The following AKAP19 variants were observed in gnomAD, a reference collection of about 807,000 sequenced individuals.
AKAP19 encodes the protein A-kinase anchoring protein 19.
the AKAP19 span, chr2:189,930,817 C>T: frequency 4.9e-6 from 4 of 818,034 alleles, no homozygotes; most frequent in South Asian, 5.5e-5. Flanking sequence ...AAGGCCTATT[C>T]TTTGAGCTAT....
At chr2:190,093,261 A>G in the AKAP19 span, among the ~76,000 whole-genome samples, 4 of 17,584 alleles carry the variant, frequency 2.3e-4, no homozygotes, top group African/African-American at 3.5e-4. Context: ...CGTCTCTACT[A>G]AAAAAAAAAA....
At chr2:190,070,608 T>TCC in the AKAP19 span, among the ~76,000 whole-genome samples, 1 of 139,614 alleles carries the variant, frequency 7.2e-6, no homozygotes. Context: ...ATATTTTCCC[T>TCC]CTCTCTCCCC....
chr2:190,007,600 T>C, the AKAP19 span, among the ~76,000 whole-genome samples: 1 of 152,174 alleles, frequency 6.6e-6, no homozygotes, highest in Non-Finnish European at 1.5e-5. Context: ...CCCTCAGATA[T>C]TGTTAATGAA....
At chr2:190,131,804 T>C in the AKAP19 span, among the ~76,000 whole-genome samples, 1 of 152,088 alleles carries the variant, frequency 6.6e-6, no homozygotes, top group Non-Finnish European at 1.5e-5. Context: ...AGAAAATTGC[T>C]TGGTATGTAG....
the AKAP19 span, among the ~76,000 whole-genome samples, chr2:190,192,458 G>GTA: frequency 8.5e-6 from 1 of 117,614 alleles, no homozygotes; most frequent in Non-Finnish European, 1.7e-5. Context: ...GAATCTGTGT[G>GTA]TGTGTGTGTG....
At chr2:190,081,955 C>T in the AKAP19 span, among the ~76,000 whole-genome samples, 2,934 of 152,192 alleles carry the variant, frequency 0.019, 90 homozygotes, top group African/African-American at 0.067. Flanking sequence ...CCCCTAGGGG[C>T]TAAATAGAAA....
chr2:189,943,797 A>G, the AKAP19 span, among the ~76,000 whole-genome samples: 1 of 152,140 alleles, frequency 6.6e-6, no homozygotes, highest in African/African-American at 2.4e-5. Context: ...GTCACTGGAG[A>G]TTATTTTGGA....
chr2:190,108,719 T>C, the AKAP19 span, among the ~76,000 whole-genome samples: 4 of 151,606 alleles, frequency 2.6e-5, no homozygotes, highest in African/African-American at 7.3e-5. Context: ...GAATGGGAGA[T>C]TAAGAAGTTA....
the AKAP19 span, chr2:190,057,568 TCA>T: frequency 6.2e-7 from 1 of 1,613,558 alleles, no homozygotes; most frequent in Non-Finnish European, 8.5e-7. Flanking sequence ...TGAGTGCTCA[TCA>T]CAGTCAAGAC....
At chr2:189,985,503 T>C in the AKAP19 span, among the ~76,000 whole-genome samples, 1 of 152,188 alleles carries the variant, frequency 6.6e-6, no homozygotes, top group South Asian at 2.1e-4. Context: ...GTCCGTTGCT[T>C]TGAACTGCCT....
the AKAP19 span, among the ~76,000 whole-genome samples, chr2:189,882,624 G>A: frequency 6.6e-6 from 1 of 152,042 alleles, no homozygotes; most frequent in African/African-American, 2.4e-5. Context: ...ATAAACAATA[G>A]GGCAAAGGAA....
At chr2:190,015,900 C>A in the AKAP19 span, among the ~76,000 whole-genome samples, 5 of 152,228 alleles carry the variant, frequency 3.3e-5, no homozygotes, top group Non-Finnish European at 7.3e-5. Context: ...TGCTGCCAGT[C>A]TCTTTGCAAA....
the AKAP19 span, among the ~76,000 whole-genome samples, chr2:189,982,011 A>C: frequency 6.7e-6 from 1 of 149,402 alleles, no homozygotes; most frequent in Non-Finnish European, 1.5e-5. Flanking sequence ...GGCATCTTGC[A>C]GGTGTGCTTT....
chr2:190,155,739 T>G, the AKAP19 span, among the ~76,000 whole-genome samples: 3 of 152,080 alleles, frequency 2.0e-5, no homozygotes, highest in African/African-American at 7.2e-5. Context: ...ATGAGGAGCT[T>G]TAGAATAGTC....
the AKAP19 span, among the ~76,000 whole-genome samples, chr2:189,978,374 A>T: frequency 6.6e-6 from 1 of 152,150 alleles, no homozygotes; most frequent in East Asian, 1.9e-4. Flanking sequence ...TAATCACAAC[A>T]GTTTGGGAGG....
At chr2:190,098,073 C>CA in the AKAP19 span, among the ~76,000 whole-genome samples, 2 of 152,004 alleles carry the variant, frequency 1.3e-5, no homozygotes, top group Admixed American at 6.6e-5. Flanking sequence ...CAACCTCTTC[C>CA]AAACTCCTGT....
the AKAP19 span, among the ~76,000 whole-genome samples, chr2:190,021,614 T>C: frequency 6.6e-6 from 1 of 152,218 alleles, no homozygotes; most frequent in Non-Finnish European, 1.5e-5. Context: ...CCCATGCTTT[T>C]CTTGGGAAGC....
the AKAP19 span, among the ~76,000 whole-genome samples, chr2:190,132,193 A>G: frequency 6.6e-6 from 1 of 152,206 alleles, no homozygotes; most frequent in African/African-American, 2.4e-5. Context: ...GATTAGGAGA[A>G]CTGATATTGT....
the AKAP19 span, among the ~76,000 whole-genome samples, chr2:190,101,000 G>C: frequency 6.6e-6 from 1 of 152,216 alleles, no homozygotes; most frequent in Non-Finnish European, 1.5e-5. Flanking sequence ...AAGCTCTGGA[G>C]CTAACTTGGG....
Sources: allele counts gnomAD v4.1 joint callset (sites outside exome capture counted in the v4.1 genomes callset), GRCh38; gene constraint gnomAD v4.1.1; transcripts MANE v1.5; gene names NCBI Gene and HGNC (gene_info 2026-07-23, HGNC 2026-07-21).